ZMIZ1: variants seen among roughly 807,000 people sequenced by gnomAD.
The protein encoded by ZMIZ1 is zinc finger MIZ-type containing 1, also known as zinc finger MIZ domain-containing protein 1.
In ZMIZ1, 17 loss-of-function variants were observed where a neutral mutation model predicts 113.9. That is an observed-to-expected ratio of 0.15 (90% CI 0.10 to 0.22). The LOEUF (loss-of-function observed/expected upper bound fraction) is 0.22, where lower values mean the gene tolerates loss of function less well. ZMIZ1 is among the 10% of genes least tolerant of loss of function. The probability of loss-of-function intolerance (pLI) is 1.00; values close to 1 mark genes in which losing one functional copy is unlikely to be tolerated. For missense variants in ZMIZ1, 1,059 were observed against 1,477.8 expected (o/e 0.72, Z 4.65); for synonymous variants, 607 against 603.1 (o/e 1.01, Z -0.09).
At chr10:79,074,049 C>T (rs1294438569) in intron 1 of ZMIZ1, among the ~76,000 whole-genome samples, 1 of 152,238 alleles carries the variant, frequency 6.6e-6, no homozygotes, top group Non-Finnish European at 1.5e-5. Context: ...ATAACCACAG[C>T]CCCTCTCCTT....
intron 4 of ZMIZ1, among the ~76,000 whole-genome samples, chr10:79,188,913 A>C (rs1217443835): frequency 6.6e-6 from 1 of 151,888 alleles, no homozygotes; most frequent in African/African-American, 2.4e-5. Flanking sequence ...GCTTTCCCCA[A>C]CTCATCTAAC....
At chr10:79,256,609 G>A (rs1286654712) in intron 7 of ZMIZ1, among the ~76,000 whole-genome samples, 5 of 152,224 alleles carry the variant, frequency 3.3e-5, no homozygotes, top group African/African-American at 1.2e-4. Flanking sequence ...CCAGCCTGTG[G>A]TTTCACAAGA....
intron 7 of ZMIZ1, among the ~76,000 whole-genome samples, chr10:79,263,751 T>G (rs1322311327): frequency 6.6e-6 from 1 of 152,020 alleles, no homozygotes. Flanking sequence ...AGGGAGTACA[T>G]GACAAGGTCT....
chr10:79,168,894 C>CG (rs780757480), intron 4 of ZMIZ1, among the ~76,000 whole-genome samples: 1 of 152,190 alleles, frequency 6.6e-6, no homozygotes, highest in Non-Finnish European at 1.5e-5. Context: ...GACTGGTTAA[C>CG]GGAGAGCAGG....
At chr10:79,183,679 T>C (rs1388571368) in intron 4 of ZMIZ1, among the ~76,000 whole-genome samples, 1 of 152,256 alleles carries the variant, frequency 6.6e-6, no homozygotes, top group East Asian at 1.9e-4. Context: ...CTTTCAATGC[T>C]GTGTCTCAGT....
chr10:79,158,834 C>T (rs1564687984), intron 3 of ZMIZ1, among the ~76,000 whole-genome samples: 1 of 152,264 alleles, frequency 6.6e-6, no homozygotes, highest in Admixed American at 6.5e-5. Flanking sequence ...TCAGCCTTGT[C>T]ACTTTCCAGC....
At chr10:79,134,493 C>T (rs1844909891) in intron 2 of ZMIZ1, among the ~76,000 whole-genome samples, 1 of 152,178 alleles carries the variant, frequency 6.6e-6, no homozygotes, top group African/African-American at 2.4e-5. Context: ...AGCACTTAGC[C>T]CATGGCCCAA....
At chr10:79,312,383 A>T (rs1170105440) in intron 24 of ZMIZ1, among the ~76,000 whole-genome samples, 1 of 152,258 alleles carries the variant, frequency 6.6e-6, no homozygotes, top group Non-Finnish European at 1.5e-5. Context: ...AGCCCTGCTC[A>T]GGCCTCAGCT....
chr10:79,125,224 C>A (rs1227709495), intron 2 of ZMIZ1, among the ~76,000 whole-genome samples: 1 of 152,228 alleles, frequency 6.6e-6, no homozygotes, highest in African/African-American at 2.4e-5. Context: ...CTGCACACCT[C>A]CCCCAACCCC....
chr10:79,082,499 T>C (rs984201792), intron 1 of ZMIZ1, among the ~76,000 whole-genome samples: 4 of 152,142 alleles, frequency 2.6e-5, no homozygotes, highest in Admixed American at 1.3e-4. Context: ...GCCCAAACTA[T>C]TGGAGCAGGA....
chr10:79,203,831 TCA>T (rs1232109817), intron 5 of ZMIZ1, among the ~76,000 whole-genome samples: 13 of 152,194 alleles, frequency 8.5e-5, no homozygotes, highest in African/African-American at 3.1e-4. Flanking sequence ...CATAATTAAT[TCA>T]CATTCAACCA....
chr10:79,190,801 C>A (rs1278106864), intron 4 of ZMIZ1, among the ~76,000 whole-genome samples: 1 of 152,136 alleles, frequency 6.6e-6, no homozygotes, highest in Admixed American at 6.5e-5. Context: ...GCCCACCCAT[C>A]CATAGAGGCT....
chr10:79,256,432 C>G (rs1360973556), intron 7 of ZMIZ1, among the ~76,000 whole-genome samples: 1 of 152,218 alleles, frequency 6.6e-6, no homozygotes, highest in Non-Finnish European at 1.5e-5. Flanking sequence ...CAGAGCAGCC[C>G]CCTCCCTCCT....
Position 79,292,142 on chromosome 10 carries a change from C to A in ZMIZ1, c.759-16C>A. 1.3e-6 allele frequency: 2 copies of A among 1,598,348 alleles called. No individual in the cohort carries two copies. The highest frequency in any genetic ancestry group is 1.7e-6 in the Non-Finnish European group (2 of 1,169,646). Reference sequence around the variant, plus strand: ...TGCAGGCAGTACCTAACTCTTCCACCCTTCTCCCCCTGCAGTTACCCTGGG... The same window carrying A: ...TGCAGGCAGTACCTAACTCTTCCACACTTCTCCCCCTGCAGTTACCCTGGG... On this transcript the variant is annotated splice_polypyrimidine_tract_variant and intron_variant, in intron 10 of 24. Coordinates refer to ENST00000334512, the MANE Select transcript of ZMIZ1 (RefSeq NM_020338.4).
Position 79,314,452 on chromosome 10 carries a change from A to T in ZMIZ1, c.*1703A>T. 2.9e-6 allele frequency: 1 copy of T among 346,320 alleles called. No individual in the cohort carries two copies. Among genetic ancestry groups the T allele is most frequent in the East Asian group, 7.6e-5 (1 of 13,194 alleles). 21.5% of individuals were successfully genotyped at this position (346,320 alleles called of 1,614,324 possible). ...CAGACGGCACAAGGTTTTCTGTAGG[A>T]AAGCTGCCATTGCCCCGGCCCCTTT... On this transcript the variant is annotated 3_prime_UTR_variant, in exon 25 of 25. Coordinates refer to ENST00000334512, the MANE Select transcript of ZMIZ1 (RefSeq NM_020338.4).
chr10:79,122,695 C>G (rs1258264212), intron 2 of ZMIZ1, among the ~76,000 whole-genome samples: 2 of 152,182 alleles, frequency 1.3e-5, no homozygotes, highest in African/African-American at 2.4e-5. Context: ...ACACCCATCA[C>G]ACCCTGGAGA....
chr10:79,164,845 C>T (rs191840193), intron 4 of ZMIZ1, among the ~76,000 whole-genome samples: 1 of 152,240 alleles, frequency 6.6e-6, no homozygotes, highest in Admixed American at 6.5e-5. Context: ...ATGAGGCTCT[C>T]CAGGATGGTT....
At chr10:79,234,043 C>T (rs1245344597) in intron 7 of ZMIZ1, among the ~76,000 whole-genome samples, 1 of 152,170 alleles carries the variant, frequency 6.6e-6, no homozygotes, top group Non-Finnish European at 1.5e-5. Flanking sequence ...TTCTAGGGAC[C>T]ACATCATCTG....
intron 1 of ZMIZ1, among the ~76,000 whole-genome samples, chr10:79,098,844 A>G (rs746714351): frequency 8.5e-5 from 13 of 152,146 alleles, no homozygotes; most frequent in African/African-American, 1.2e-4. Context: ...CGTCATTAGC[A>G]AGGAGATTGG....
Sources: allele counts gnomAD v4.1 joint callset (sites outside exome capture counted in the v4.1 genomes callset), GRCh38; gene constraint gnomAD v4.1.1; transcripts MANE v1.5; gene names NCBI Gene and HGNC (gene_info 2026-07-23, HGNC 2026-07-21).